Variants in NKAIN3 observed in about 807,000 individuals in gnomAD.
NKAIN3 encodes sodium/potassium transporting ATPase interacting 3.
NKAIN3 carries 25 observed loss-of-function variants against 30.2 expected under a neutral mutation model. The observed-to-expected ratio is 0.83, with a 90% CI of 0.60 to 1.16. NKAIN3 has a LOEUF of 1.16. NKAIN3 is among the 50% of genes most tolerant of loss of function. NKAIN3 has a pLI of 0.00. For missense variants in NKAIN3, 225 were observed against 254.1 expected, an observed-to-expected ratio of 0.89 and a Z score of 0.78; for synonymous variants, 91 against 89.6, an observed-to-expected ratio of 1.02 and a Z score of -0.09.
intron 1 of NKAIN3, among the ~76,000 whole-genome samples, chr8:62,369,761 TG>T (rs1355957167): frequency 6.6e-6 from 1 of 151,784 alleles, no homozygotes; most frequent in African/African-American, 2.4e-5. Context: ...CCAAGTCTGT[TG>T]TTTTTTTTTT....
At chr8:62,718,893 T>C (rs1814993098) in intron 3 of NKAIN3, among the ~76,000 whole-genome samples, 1 of 152,258 alleles carries the variant, frequency 6.6e-6, no homozygotes, top group African/African-American at 2.4e-5. Flanking sequence ...GACCAAATAA[T>C]TCATTCAATA....
chr8:62,653,175 A>G lies in NKAIN3; in HGVS notation c.273+63381A>G, dbSNP rs138602543. Among the ~76,000 whole-genome samples the G allele has an allele frequency of 3.7e-3, 566 of 152,280 alleles. 2 individuals carry two copies. The highest frequency in any genetic ancestry group is 0.013 in the African/African-American group (545 of 41,568). ...TTAAGTAACAGAAATGTATTTTCCC[A>G]AAGGTCTGGAGGCTAGAATCTGAGA... On this transcript the variant is annotated intron_variant, in intron 3 of 6. Transcript: ENST00000623646.
At chr8:62,412,215 G>A (rs1177226525) in intron 1 of NKAIN3, among the ~76,000 whole-genome samples, 1 of 151,974 alleles carries the variant, frequency 6.6e-6, no homozygotes, top group African/African-American at 2.4e-5. Flanking sequence ...GGTACAAAAA[G>A]AGACACATGG....
intron 1 of NKAIN3, among the ~76,000 whole-genome samples, chr8:62,548,736 T>A (rs982503318): frequency 1.7e-5 from 2 of 118,994 alleles, no homozygotes; most frequent in African/African-American, 7.4e-5. Context: ...TGTTTACAAT[T>A]ATATGTATGT....
At chr8:62,704,925 G>T (rs1219871010) in intron 3 of NKAIN3, among the ~76,000 whole-genome samples, 3 of 152,096 alleles carry the variant, frequency 2.0e-5, no homozygotes, top group Non-Finnish European at 4.4e-5. Flanking sequence ...AGTTAAAAAG[G>T]ATTATCCTTA....
chr8:62,386,494 C>T (rs536905166), intron 1 of NKAIN3, among the ~76,000 whole-genome samples: 13 of 152,170 alleles, frequency 8.5e-5, no homozygotes, highest in South Asian at 4.2e-4. Flanking sequence ...TATTGTTCTA[C>T]GATCTCAATG....
chr8:62,607,099 C>T (rs1417210987), intron 3 of NKAIN3, among the ~76,000 whole-genome samples: 3 of 152,114 alleles, frequency 2.0e-5, no homozygotes, highest in African/African-American at 7.2e-5. Context: ...ATGAAGTTAG[C>T]CATACAGGGA....
At chr8:62,625,468 A>G (rs1811761907) in intron 3 of NKAIN3, among the ~76,000 whole-genome samples, 1 of 152,110 alleles carries the variant, frequency 6.6e-6, no homozygotes, top group Admixed American at 6.6e-5. Flanking sequence ...ACACTGAGTT[A>G]TGTAAAACCA....
chr8:62,379,416 G>C (rs1817198292), intron 1 of NKAIN3, among the ~76,000 whole-genome samples: 1 of 152,138 alleles, frequency 6.6e-6, no homozygotes. Context: ...GATTTGGGAG[G>C]AGCCAGGGGT....
At chr8:62,906,403 A>T (rs28494990) in intron 4 of NKAIN3, among the ~76,000 whole-genome samples, 13,778 of 152,256 alleles carry the variant, frequency 0.09, 653 homozygotes, top group South Asian at 0.15. Context: ...GCAGTGTGTC[A>T]GTCTCTGTCT....
Position 62,791,532 on chromosome 8 carries a change from T to C in NKAIN3, c.471+44403T>C, listed in dbSNP as rs139540391. 7.6e-3 allele frequency among the ~76,000 whole-genome samples: 1,150 copies of C among 152,248 alleles called. 13 individuals carry two copies. Among genetic ancestry groups the C allele is most frequent in the African/African-American group, 0.026 (1,072 of 41,564 alleles). On this transcript the variant is annotated intron_variant, in intron 4 of 6. Transcript: ENST00000623646. ...ATTATTAAATATTGTTGAATTTGTT[T>C]TGACTTTGATCCTCAAAACTGAAAA... is the stretch of plus-strand genomic sequence containing the variant.
chr8:62,609,887 C>T (rs915356642), intron 3 of NKAIN3, among the ~76,000 whole-genome samples: 2 of 152,152 alleles, frequency 1.3e-5, no homozygotes, highest in Non-Finnish European at 2.9e-5. Flanking sequence ...CAAGATCCTA[C>T]AGGAACGTCG....
intron 4 of NKAIN3, among the ~76,000 whole-genome samples, chr8:62,911,158 C>CA (rs1413053366): frequency 6.6e-6 from 1 of 151,570 alleles, no homozygotes; most frequent in African/African-American, 2.4e-5. Flanking sequence ...ATATTTTTTC[C>CA]AAAAAAGAGG....
At chr8:62,542,219 T>C (rs144367227) in intron 1 of NKAIN3, among the ~76,000 whole-genome samples, 3 of 152,272 alleles carry the variant, frequency 2.0e-5, no homozygotes, top group Admixed American at 1.3e-4. Context: ...CTAGCTTTCA[T>C]TATGGAAGCT....
At chr8:62,409,522 T>C (rs1804175241) in intron 1 of NKAIN3, among the ~76,000 whole-genome samples, 1 of 152,180 alleles carries the variant, frequency 6.6e-6, no homozygotes, top group Non-Finnish European at 1.5e-5. Flanking sequence ...ATTATTCTTA[T>C]ACTACTTTTT....
rs1320044293 is a variant in NKAIN3 at position 62,268,967 on chromosome 8, C to T, written c.54+19840C>T. ...AAGTACAGTTATTGCATTTCTGGTA[C>T]GTGGGACTTTTTCCTTTAGCTCACT... is the stretch of plus-strand genomic sequence containing the variant. On this transcript the variant is annotated intron_variant, in intron 1 of 6. Transcript: ENST00000623646. Among the ~76,000 whole-genome samples, 6 of 152,150 alleles carry T rather than the reference C, an allele frequency of 3.9e-5. No homozygotes were observed. The South Asian group carries it at 6.2e-4, about 16-fold the overall frequency.
chr8:62,787,457 TA>T (rs1817558604), intron 4 of NKAIN3, among the ~76,000 whole-genome samples: 1 of 152,174 alleles, frequency 6.6e-6, no homozygotes, highest in Non-Finnish European at 1.5e-5. Flanking sequence ...CCATGATACT[TA>T]ATTATAAACT....
At chr8:62,814,269 TA>T (rs1318200678) in intron 4 of NKAIN3, among the ~76,000 whole-genome samples, 1 of 152,020 alleles carries the variant, frequency 6.6e-6, no homozygotes, top group Non-Finnish European at 1.5e-5. Context: ...GGAATTTTCA[TA>T]AGGCAAACAT....
intron 1 of NKAIN3, among the ~76,000 whole-genome samples, chr8:62,263,065 A>T (rs2129390179): frequency 6.6e-6 from 1 of 152,322 alleles, no homozygotes; most frequent in African/African-American, 2.4e-5. Flanking sequence ...CTAATTCCAA[A>T]TTCTTGATTT....
Sources: gnomAD v4.1 joint callset for allele counts (sites outside exome capture counted in the v4.1 genomes callset) on GRCh38, gnomAD v4.1.1 for gene constraint, MANE v1.5 for transcripts, NCBI Gene and HGNC (gene_info 2026-07-23, HGNC 2026-07-21) for gene names.